The following CRADD variants were observed in gnomAD, a reference collection of about 807,000 sequenced individuals.
The protein encoded by CRADD is death domain-containing protein CRADD.
Under a neutral mutation model 15.5 loss-of-function variants are expected in CRADD, and 9 were observed. The observed-to-expected ratio is 0.58, with a 90% CI of 0.35 to 1.01. CRADD has a LOEUF of 1.01. CRADD is among the 50% of genes least tolerant of loss of function. The pLI is 0.02. For synonymous variants in CRADD, 118 were observed against 107.6 expected, an observed-to-expected ratio of 1.10 and a Z score of -0.60; for missense variants, 227 against 250.3, an observed-to-expected ratio of 0.91 and a Z score of 0.63.
At chr12:93,754,965 TAA>T (rs781689250) in intron 2 of CRADD, among the ~76,000 whole-genome samples, 1 of 142,422 alleles carries the variant, frequency 7.0e-6, no homozygotes. Flanking sequence ...GGTAATTCAT[TAA>T]AAAAAAAAAA....
chr12:93,885,506 C>T (rs1565948712), intron 2 of CRADD, among the ~76,000 whole-genome samples: 1 of 150,872 alleles, frequency 6.6e-6, no homozygotes, highest in Non-Finnish European at 1.5e-5. Flanking sequence ...GTATGTGTTC[C>T]CTGTGAGGCT....
chr12:93,740,562 A>G lies in CRADD; in HGVS notation c.298+61490A>G, dbSNP rs776927771. On this transcript the variant is annotated intron_variant, in intron 2 of 2. Transcript: ENST00000332896. ...TTTGTCATCATTTTTATTTGTTGCC[A>G]TGATTAATATATGGAAATAAGATAA... 3.3e-5 allele frequency among the ~76,000 whole-genome samples: 5 copies of G among 152,180 alleles called. No homozygotes were observed. In the East Asian group the frequency reaches 7.7e-4, roughly 23 times the overall value.
intron 2 of CRADD, among the ~76,000 whole-genome samples, chr12:93,801,667 G>A (rs1957477951): frequency 1.3e-5 from 2 of 152,330 alleles, no homozygotes; most frequent in Admixed American, 1.3e-4. Context: ...CCAAAGTGCT[G>A]GGATTCCAGG....
intron 2 of CRADD, among the ~76,000 whole-genome samples, chr12:93,816,963 T>C (rs1245587699): frequency 6.6e-6 from 1 of 152,262 alleles, no homozygotes; most frequent in South Asian, 2.1e-4. Context: ...ATCAGAGGTC[T>C]GCCTTTGGAG....
At chr12:93,762,771 T>A (rs535009016) in intron 2 of CRADD, among the ~76,000 whole-genome samples, 13 of 152,242 alleles carry the variant, frequency 8.5e-5, no homozygotes, top group East Asian at 3.9e-4. Flanking sequence ...TTTTTTTTTT[T>A]ACATATATAG....
intron 2 of CRADD, among the ~76,000 whole-genome samples, chr12:93,753,789 G>A (rs889031187): frequency 1.3e-5 from 2 of 152,200 alleles, no homozygotes; most frequent in Non-Finnish European, 1.5e-5. Context: ...GCAGGGTATA[G>A]CCCCCCTCCC....
chr12:93,741,428 C>T (rs1295548102), intron 2 of CRADD, among the ~76,000 whole-genome samples: 1 of 152,082 alleles, frequency 6.6e-6, no homozygotes, highest in Non-Finnish European at 1.5e-5. Flanking sequence ...GCGTCCTTTC[C>T]TAAAGGTTAT....
chr12:93,793,204 G>A (rs1025861063), intron 2 of CRADD, among the ~76,000 whole-genome samples: 3 of 152,122 alleles, frequency 2.0e-5, no homozygotes. Context: ...CAGCATATGC[G>A]TTCCACATCA....
downstream of CRADD, among the ~76,000 whole-genome samples, chr12:93,853,796 T>G (rs987407254): frequency 6.6e-6 from 1 of 152,252 alleles, no homozygotes; most frequent in Non-Finnish European, 1.5e-5. Flanking sequence ...GGCACGCTTA[T>G]GAAGGGTTGA....
intron 2 of CRADD, among the ~76,000 whole-genome samples, chr12:93,861,879 A>C (rs1565942761): frequency 6.6e-6 from 1 of 152,118 alleles, no homozygotes; most frequent in Non-Finnish European, 1.5e-5. Context: ...TCCCGACCCA[A>C]ATCTCACCTT....
rs191784677 is a variant in CRADD at position 93,759,892 on chromosome 12, A to G, written c.298+80820A>G. On this transcript the variant is annotated intron_variant, in intron 2 of 2. Transcript: ENST00000332896. Reference sequence around the variant, plus strand: ...CAGGAATAGAAATTGTTGGGAGTCTACTCTTTTCAAAATAAACTGACATGG... The same window carrying G: ...CAGGAATAGAAATTGTTGGGAGTCTGCTCTTTTCAAAATAAACTGACATGG... Among the ~76,000 whole-genome samples the G allele has an allele frequency of 3.6e-3, 544 of 152,244 alleles. 5 individuals are homozygous for G. The highest frequency in any genetic ancestry group is 0.027 in the Middle Eastern group (8 of 294).
chr12:93,709,486 C>T (rs1353333766), intron 2 of CRADD, among the ~76,000 whole-genome samples: 2 of 152,174 alleles, frequency 1.3e-5, no homozygotes, highest in Admixed American at 1.3e-4. Flanking sequence ...CCATTCAGCT[C>T]CCACTAAAAA....
chr12:93,756,181 C>T (rs932746654), intron 2 of CRADD, among the ~76,000 whole-genome samples: 3 of 152,098 alleles, frequency 2.0e-5, no homozygotes, highest in African/African-American at 7.2e-5. Context: ...GAGTATTTGC[C>T]CCTTCATCCT....
intron 2 of CRADD, among the ~76,000 whole-genome samples, chr12:93,799,464 T>C (rs1404420759): frequency 6.6e-6 from 1 of 152,228 alleles, no homozygotes; most frequent in Non-Finnish European, 1.5e-5. Context: ...ACCTCTCTTC[T>C]ATTCCCAGGT....
intron 2 of CRADD, among the ~76,000 whole-genome samples, chr12:93,749,649 T>C (rs1237732766): frequency 2.6e-5 from 4 of 152,234 alleles, no homozygotes; most frequent in South Asian, 2.1e-4. Context: ...AATTAAAGAA[T>C]ATGTGAGCAG....
intron 2 of CRADD, among the ~76,000 whole-genome samples, chr12:93,868,435 T>C (rs537393752): frequency 3.8e-4 from 58 of 152,286 alleles, no homozygotes; most frequent in African/African-American, 1.3e-3. Flanking sequence ...ACAGCCTTAT[T>C]ATTGAATACT....
At position 93,772,533 on chromosome 12, in the gene CRADD, A is replaced by C. The variant is rs532811807; in HGVS notation, c.299-77437A>C. On this transcript the variant is annotated intron_variant, in intron 2 of 2. Coordinates refer to ENST00000332896, the MANE Select transcript of CRADD (RefSeq NM_003805.5). ...AGCCGGTCTTCTTATCCCCAGAATT[A>C]ATTAACATGCAAATACTTGTCTAGA... 2.6e-5 allele frequency among the ~76,000 whole-genome samples: 4 copies of C among 152,296 alleles called. No homozygotes were observed. The South Asian group carries it at 8.3e-4, about 32-fold the overall frequency.
At chr12:93,814,567 A>G (rs1189526348) in intron 2 of CRADD, among the ~76,000 whole-genome samples, 2 of 152,248 alleles carry the variant, frequency 1.3e-5, no homozygotes, top group Non-Finnish European at 2.9e-5. Context: ...AGTTAGAATC[A>G]GAAGTGTTGC....
At chr12:93,711,126 A>C (rs1398653723) in intron 2 of CRADD, among the ~76,000 whole-genome samples, 1 of 140,298 alleles carries the variant, frequency 7.1e-6, no homozygotes, top group Non-Finnish European at 1.5e-5. Context: ...GGTATATTAG[A>C]GGTTGAAATC....
Sources: allele counts gnomAD v4.1 joint callset (sites outside exome capture counted in the v4.1 genomes callset), GRCh38; gene constraint gnomAD v4.1.1; transcripts MANE v1.5; gene names NCBI Gene and HGNC (gene_info 2026-07-23, HGNC 2026-07-21).